UXS1: variants seen among roughly 807,000 people sequenced by gnomAD.
UXS1 encodes the protein UDP-glucuronate decarboxylase 1, also known as UDP-glucuronic acid decarboxylase 1.
A neutral mutation model predicts 62.6 loss-of-function variants in UXS1; 33 were observed. The observed-to-expected ratio is 0.53, with a 90% confidence interval of 0.40 to 0.70. The LOEUF is 0.70. UXS1 is among the 30% of genes least tolerant of loss of function. The pLI is 0.00. For missense variants in UXS1, 434 were observed against 556.3 expected (o/e 0.78, Z 2.21); for synonymous variants, 213 against 206.8 (o/e 1.03, Z -0.26).
intron 1 of UXS1, among the ~76,000 whole-genome samples, chr2:106,171,620 C>G (rs1302869856): frequency 1.3e-5 from 2 of 152,222 alleles, no homozygotes; most frequent in African/African-American, 4.8e-5. Context: ...CCAGGCCACA[C>G]AGAAAGTACA....
At chr2:106,166,008 G>T (rs773580030) in intron 2 of UXS1, 48 bp downstream of exon 2, 2 of 1,570,548 alleles carry the variant, frequency 1.3e-6, no homozygotes, top group Non-Finnish European at 1.7e-6. Context: ...CAACTGAAAT[G>T]TGTCTATAAA....
In UXS1 at chr2:106,125,625, T is replaced by A. The variant is rs1288660233; in HGVS notation, c.632A>T (p.Tyr211Phe). The A allele has an allele frequency of 6.4e-7, 1 of 1,574,068 alleles. No individual in the cohort carries two copies. The highest frequency in any genetic ancestry group is 1.8e-5 in the Admixed American group (1 of 54,332). Residue 211 changes from tyrosine (Y) to phenylalanine (F), a missense_variant, in exon 8 of 15, where the codon TAT becomes TTT. Coordinates refer to ENST00000283148, the MANE Select transcript of UXS1 (RefSeq NM_001253875.2). ...TGAGAGAGCCTCCTACTCACCTCCA[T>A]ACACCTCCGATGTGGAGGCCAGGAG... ...RLLLASTSEV[Y>F]GDPEVHPQSE... is the part of the protein sequence containing the mutation.
rs191460634 is a variant in UXS1 at position 106,190,720 on chromosome 2, G to T, written c.94+3428C>A. ...ATCACGCCACTGCACTCCAGCCTGG[G>T]CAACAAAAGCGAAACTCTGTATCAA... On this transcript the variant is annotated intron_variant, in intron 1 of 14. Coordinates refer to ENST00000283148, the MANE Select transcript of UXS1 (RefSeq NM_001253875.2). Among the ~76,000 whole-genome samples the T allele has an allele frequency of 4.4e-3, 530 of 121,380 alleles. 2 individuals carry two copies. The highest frequency in any genetic ancestry group is 0.012 in the Middle Eastern group (2 of 170). 79.6% of individuals were successfully genotyped at this position (121,380 alleles called of 152,430 possible).
chr2:106,139,527 T>C (rs935427308), intron 6 of UXS1, among the ~76,000 whole-genome samples: 2 of 150,476 alleles, frequency 1.3e-5, no homozygotes, highest in African/African-American at 2.4e-5. Context: ...AAATGACACA[T>C]ACATAGGGAA....
intron 5 of UXS1, among the ~76,000 whole-genome samples, chr2:106,156,660 T>C (rs1682453045): frequency 6.6e-6 from 1 of 152,246 alleles, no homozygotes; most frequent in Non-Finnish European, 1.5e-5. Flanking sequence ...TCCGCCTGTA[T>C]ACTTTAAATC....
At chr2:106,149,451 G>A (rs1370946911) in intron 5 of UXS1, among the ~76,000 whole-genome samples, 1 of 152,202 alleles carries the variant, frequency 6.6e-6, no homozygotes, top group Non-Finnish European at 1.5e-5. Flanking sequence ...GCCATTATCA[G>A]AGGAGTGAGT....
chr2:106,152,981 A>C (rs1283904827), intron 5 of UXS1, among the ~76,000 whole-genome samples: 1 of 152,212 alleles, frequency 6.6e-6, no homozygotes, highest in African/African-American at 2.4e-5. Context: ...GAGGTACTGA[A>C]AACAGTGCAC....
At chr2:106,113,106 G>A (rs1300495427) in intron 9 of UXS1, among the ~76,000 whole-genome samples, 4 of 152,072 alleles carry the variant, frequency 2.6e-5, no homozygotes, top group Non-Finnish European at 4.4e-5. Flanking sequence ...TTCCAAAATG[G>A]GATCATGTTA....
intron 9 of UXS1, among the ~76,000 whole-genome samples, chr2:106,118,015 T>G (rs772763591): frequency 6.6e-6 from 1 of 152,284 alleles, no homozygotes; most frequent in African/African-American, 2.4e-5. Context: ...TCAGCTGACC[T>G]TCCTGAGGTT....
intron 4 of UXS1, among the ~76,000 whole-genome samples, chr2:106,160,923 T>C (rs186031606): frequency 7.6e-4 from 116 of 152,380 alleles, no homozygotes; most frequent in African/African-American, 2.3e-3. Flanking sequence ...AATTAAACTT[T>C]TAAAAAACTA....
chr2:106,112,778 G>A lies in UXS1; in HGVS notation c.760-13C>T. ...CTTCCACGCCTTCCTGGAACAGAGA[G>A]AAGAGGAGGTCAGGTGTGCTCCCCT... is the stretch of plus-strand genomic sequence containing the variant. On this transcript the variant is annotated splice_polypyrimidine_tract_variant and intron_variant, in intron 9 of 14. Coordinates refer to ENST00000283148, the MANE Select transcript of UXS1 (RefSeq NM_001253875.2). 1 of 1,612,350 alleles carries A rather than the reference G, an allele frequency of 6.2e-7. No homozygotes were observed. The highest frequency in any genetic ancestry group is 1.7e-5 in the Admixed American group (1 of 59,906).
At chr2:106,165,093 G>A (rs1683129330) in intron 2 of UXS1, among the ~76,000 whole-genome samples, 2 of 152,240 alleles carry the variant, frequency 1.3e-5, no homozygotes, top group African/African-American at 2.4e-5. Context: ...ATTTGAAGCA[G>A]GAAGTGCGTC....
intron 6 of UXS1, among the ~76,000 whole-genome samples, chr2:106,137,754 C>T (rs1015655461): frequency 6.6e-6 from 1 of 151,940 alleles, no homozygotes; most frequent in African/African-American, 2.4e-5. Flanking sequence ...AAGATGGCAC[C>T]ATTGCACCGC....
At chr2:106,157,138 G>C (rs1682499561) in intron 5 of UXS1, among the ~76,000 whole-genome samples, 1 of 152,166 alleles carries the variant, frequency 6.6e-6, no homozygotes, top group Admixed American at 6.5e-5. Flanking sequence ...AATGGGTATA[G>C]GCTTTCCTTG....
intron 5 of UXS1, among the ~76,000 whole-genome samples, chr2:106,154,534 A>C (rs1682279619): frequency 2.6e-5 from 4 of 152,216 alleles, no homozygotes; most frequent in Admixed American, 2.6e-4. Flanking sequence ...AAGAACACCA[A>C]GGATTGCTGG....
At chr2:106,181,066 A>G (rs1009478237) in intron 1 of UXS1, among the ~76,000 whole-genome samples, 5 of 152,248 alleles carry the variant, frequency 3.3e-5, no homozygotes, top group African/African-American at 1.2e-4. Flanking sequence ...AGATACATTA[A>G]AGAAAAAGAG....
chr2:106,186,737 G>A (rs1009819676), intron 1 of UXS1, among the ~76,000 whole-genome samples: 2 of 152,108 alleles, frequency 1.3e-5, no homozygotes, highest in Non-Finnish European at 2.9e-5. Flanking sequence ...AGGATCACCT[G>A]AGTCCAGGAT....
At chr2:106,101,862 T>C (rs1677627293) in intron 11 of UXS1, 1 of 152,236 alleles carries the variant, frequency 6.6e-6, no homozygotes, top group Non-Finnish European at 1.5e-5. Context: ...ACAAAGTTAC[T>C]TCGTAAAAAT....
At chr2:106,121,091 G>A (rs1028494340) in intron 9 of UXS1, among the ~76,000 whole-genome samples, 2 of 152,122 alleles carry the variant, frequency 1.3e-5, no homozygotes, top group East Asian at 3.9e-4. Context: ...TGACACGAAC[G>A]GGTCCAATGT....
Sources: allele counts gnomAD v4.1 joint callset (sites outside exome capture counted in the v4.1 genomes callset), GRCh38; gene constraint gnomAD v4.1.1; transcripts MANE v1.5; gene names NCBI Gene and HGNC (gene_info 2026-07-23, HGNC 2026-07-21).